Variants in VWA3B observed in about 807,000 individuals in gnomAD.
The protein encoded by VWA3B is von Willebrand factor A domain-containing protein 3B.
Under a neutral mutation model 158.3 loss-of-function variants are expected in VWA3B, and 138 were observed. That is an observed-to-expected ratio of 0.87 (90% confidence interval 0.76 to 1.00). VWA3B has a LOEUF of 1.00. VWA3B is among the 50% of genes least tolerant of loss of function. The pLI is 0.00. For synonymous variants in VWA3B, 596 were observed against 587.3 expected (o/e 1.01, Z -0.21); for missense variants, 1,555 against 1,565.1 (o/e 0.99, Z 0.11).
Position 98,193,048 on chromosome 2 carries a change from C to T in VWA3B, c.1605+12C>T, listed in dbSNP as rs903352883. ...TTCAGTTCATACAGGTTAGATGGAA[C>T]TGTCGGTTCATGCATTTGGGGCTTT... is the stretch of plus-strand genomic sequence containing the variant. On this transcript the variant is annotated intron_variant, in intron 11 of 27. Transcript: ENST00000477737. The T allele has an allele frequency of 1.9e-6, 3 of 1,602,588 alleles. No homozygotes were observed. Among genetic ancestry groups the T allele is most frequent in the African/African-American group, 2.7e-5 (2 of 74,638 alleles).
In VWA3B at chr2:98,121,474, T is replaced by C. The variant is rs139800436; in HGVS notation, c.702+16T>C. Reference sequence around the variant, plus strand: ...AGACAAGACTGTAAGTGCGTGTTCATGGCTGGCCCCAGGCCATGGAGGTGG... The same window carrying C: ...AGACAAGACTGTAAGTGCGTGTTCACGGCTGGCCCCAGGCCATGGAGGTGG... On this transcript the variant is annotated intron_variant, in intron 5 of 27. Coordinates refer to ENST00000477737, the MANE Select transcript of VWA3B (RefSeq NM_144992.5). The C allele has an allele frequency of 1.6e-4, 261 of 1,609,182 alleles. 1 individual carries two copies. The African/African-American group carries it at 3.1e-3, about 19-fold the overall frequency.
At chr2:98,324,677 A>G in the VWA3B span, among the ~76,000 whole-genome samples, 3 of 152,244 alleles carry the variant, frequency 2.0e-5, no homozygotes, top group Non-Finnish European at 4.4e-5. Flanking sequence ...AGTATGGGTT[A>G]AAATTCTAAG....
intron 19 of VWA3B, among the ~76,000 whole-genome samples, chr2:98,237,231 G>A (rs897478595): frequency 6.6e-6 from 1 of 152,370 alleles, no homozygotes; most frequent in South Asian, 2.1e-4. Context: ...GATCTTGGTT[G>A]GGTTGGCACT....
chr2:98,320,516 C>T, the VWA3B span, among the ~76,000 whole-genome samples: 2 of 152,242 alleles, frequency 1.3e-5, no homozygotes, highest in Admixed American at 1.3e-4. Flanking sequence ...TTGGAACTTC[C>T]TAGAGACTCA....
At chr2:98,094,200 C>T (rs549954306) in intron 2 of VWA3B, among the ~76,000 whole-genome samples, 10 of 152,178 alleles carry the variant, frequency 6.6e-5, no homozygotes, top group Admixed American at 5.9e-4. Flanking sequence ...CTATTTTTAG[C>T]GTTTTGAGGA....
intron 10 of VWA3B, 96 bp from the exon 11 acceptor site, chr2:98,192,802 G>A: frequency 6.5e-7 from 1 of 1,542,228 alleles, no homozygotes; most frequent in South Asian, 1.1e-5. Context: ...ACATAGCGCA[G>A]CTCTGTCCTC....
At chr2:98,269,666 C>T (rs1002077546) in intron 21 of VWA3B, among the ~76,000 whole-genome samples, 1 of 152,092 alleles carries the variant, frequency 6.6e-6, no homozygotes, top group African/African-American at 2.4e-5. Context: ...AGCTTTCTTA[C>T]TCTCCTTCAT....
chr2:98,134,075 G>T (rs1676074969), intron 7 of VWA3B, 136 bp downstream of exon 7: 1 of 706,242 alleles, frequency 1.4e-6, no homozygotes, highest in Non-Finnish European at 2.4e-6. Flanking sequence ...TGCAAGAGCA[G>T]AGTTAATGGA....
chr2:98,326,818 G>T, the VWA3B span, among the ~76,000 whole-genome samples: 3 of 151,914 alleles, frequency 2.0e-5, no homozygotes, highest in Non-Finnish European at 4.4e-5. Flanking sequence ...TCAGAAAATG[G>T]GGGAGGAATA....
the VWA3B span, among the ~76,000 whole-genome samples, chr2:98,322,022 C>T: frequency 6.6e-6 from 1 of 152,148 alleles, no homozygotes; most frequent in East Asian, 1.9e-4. Context: ...AGGGGAGTTC[C>T]CTGCACATGC....
chr2:98,090,364 A>G (rs1230174679), intron 1 of VWA3B, among the ~76,000 whole-genome samples: 3 of 152,228 alleles, frequency 2.0e-5, no homozygotes, highest in Non-Finnish European at 4.4e-5. Context: ...AACAAAATAC[A>G]ATGACTAAAG....
chr2:98,172,450 T>C (rs1454490111), intron 8 of VWA3B, among the ~76,000 whole-genome samples: 1 of 152,204 alleles, frequency 6.6e-6, no homozygotes, highest in Non-Finnish European at 1.5e-5. Context: ...GATGTCCAGC[T>C]GCTTCTGTCT....
chr2:98,210,356 G>A (rs1384123624), intron 12 of VWA3B, among the ~76,000 whole-genome samples: 1 of 152,154 alleles, frequency 6.6e-6, no homozygotes, highest in Non-Finnish European at 1.5e-5. Context: ...CGCTGGGCAT[G>A]AACTTTTACA....
chr2:98,157,630 C>A (rs1678196833), intron 7 of VWA3B, among the ~76,000 whole-genome samples: 1 of 152,178 alleles, frequency 6.6e-6, no homozygotes, highest in Non-Finnish European at 1.5e-5. Context: ...GAAGTATGTG[C>A]TACTTTTTCC....
At chr2:98,321,501 T>A in the VWA3B span, among the ~76,000 whole-genome samples, 1 of 152,226 alleles carries the variant, frequency 6.6e-6, no homozygotes, top group Non-Finnish European at 1.5e-5. Flanking sequence ...GTCCCCCTTG[T>A]GGCAGAGCTG....
chr2:98,167,131 C>T (rs1679148929), intron 8 of VWA3B, among the ~76,000 whole-genome samples: 1 of 152,074 alleles, frequency 6.6e-6, no homozygotes, highest in African/African-American at 2.4e-5. Context: ...GAGATGGTGG[C>T]CAGCGGGACA....
At chr2:98,122,816 A>T (rs1429431278) in intron 5 of VWA3B, among the ~76,000 whole-genome samples, 1 of 152,236 alleles carries the variant, frequency 6.6e-6, no homozygotes, top group African/African-American at 2.4e-5. Context: ...TATTCCAGGA[A>T]GTAAGGAACA....
Position 98,128,321 on chromosome 2 carries a change from C to T in VWA3B, c.785C>T (p.Pro262Leu), listed in dbSNP as rs201510308. The change falls in exon 6 of 28, where the codon CCG becomes CTG. Residue 262 changes from proline to leucine, a missense_variant. Transcript: ENST00000477737. The part of the protein sequence containing the change: ...ELLLQRALEI[P>L]CPVYTVSFNA... ...CTCCTCCAGAGGGCCTTGGAGATCCCGTGTCCAGTCTACACAGTGTCCTTC... is the reference window on the plus strand; with the variant it reads ...CTCCTCCAGAGGGCCTTGGAGATCCTGTGTCCAGTCTACACAGTGTCCTTC... The T allele has an allele frequency of 1.1e-5, 18 of 1,613,986 alleles. No individual in the cohort carries two copies. Among genetic ancestry groups the T allele is most frequent in the African/African-American group, 2.7e-5 (2 of 74,868 alleles).
intron 16 of VWA3B, among the ~76,000 whole-genome samples, chr2:98,233,297 C>G (rs1330967992): frequency 6.6e-6 from 1 of 152,150 alleles, no homozygotes. Flanking sequence ...CATGACTGAT[C>G]CTACAGAGTC....
Sources: gnomAD v4.1 joint callset for allele counts (sites outside exome capture counted in the v4.1 genomes callset) on GRCh38, gnomAD v4.1.1 for gene constraint, MANE v1.5 for transcripts, NCBI Gene and HGNC (gene_info 2026-07-23, HGNC 2026-07-21) for gene names.